The following PACRGL variants were observed in gnomAD, a reference collection of about 807,000 sequenced individuals.
The protein encoded by PACRGL is parkin coregulated like.
Under a neutral mutation model 34.5 loss-of-function variants are expected in PACRGL, and 38 were observed. That is an observed-to-expected ratio of 1.10 (90% CI 0.85 to 1.44). The LOEUF (loss-of-function observed/expected upper bound fraction) is 1.44. PACRGL is among the 40% of genes most tolerant of loss of function. The pLI is 0.00. For synonymous variants in PACRGL, 128 were observed against 100.1 expected (o/e 1.28, Z -1.66); for missense variants, 305 against 281.4 (o/e 1.08, Z -0.60).
At chr4:20,752,424 T>C (rs1753822522) in intron 8 of PACRGL, 1 of 152,226 alleles carries the variant, frequency 6.6e-6, no homozygotes, top group Non-Finnish European at 1.5e-5. Flanking sequence ...TAATCCTATA[T>C]ACTTATTAAA....
the PACRGL span, among the ~76,000 whole-genome samples, chr4:20,759,269 A>G: frequency 1.3e-5 from 2 of 152,300 alleles, no homozygotes; most frequent in South Asian, 2.1e-4. Flanking sequence ...TGTCCTTTCA[A>G]GGTTTTCTGA....
rs148610271 is a variant in PACRGL at position 20,746,876 on chromosome 4, A to G, written c.*57-5689A>G. Among the ~76,000 whole-genome samples, 239 of 152,262 alleles carry G rather than the reference A, an allele frequency of 1.6e-3. 1 individual carries two copies. Among genetic ancestry groups the G allele is most frequent in the African/African-American group, 5.5e-3 (227 of 41,568 alleles). ...TATCGTAGAATCAGATGGTCTCTCT[A>G]CTGTACCTCTCAGTATGCTATTGCT... On this transcript the variant is annotated intron_variant, in intron 8 of 8. Coordinates refer to the PACRGL transcript ENST00000507634.
intron 8 of PACRGL, among the ~76,000 whole-genome samples, chr4:20,738,926 C>T (rs1228475248): frequency 6.6e-6 from 1 of 152,228 alleles, no homozygotes; most frequent in African/African-American, 2.4e-5. Context: ...GCAAACGGCA[C>T]ACCAGGAGAT....
At chr4:20,718,303 G>A (rs150886246) in intron 7 of PACRGL, among the ~76,000 whole-genome samples, 11 of 152,044 alleles carry the variant, frequency 7.2e-5, no homozygotes, top group Admixed American at 6.6e-5. Flanking sequence ...TCCTCTTTTC[G>A]TAATTGAATA....
At chr4:20,699,240 T>A (rs1217870148), upstream of PACRGL, among the ~76,000 whole-genome samples, 1 of 152,086 alleles carries the variant, frequency 6.6e-6, no homozygotes, top group South Asian at 2.1e-4. Flanking sequence ...TTTTTAAAAA[T>A]TTCTTTTTCC....
At chr4:20,714,327 C>CT (rs889495988) in intron 7 of PACRGL, among the ~76,000 whole-genome samples, 9 of 151,956 alleles carry the variant, frequency 5.9e-5, no homozygotes, top group Admixed American at 2.0e-4. Context: ...CAACCCCTGC[C>CT]TTTTTTTGTT....
chr4:20,761,013 C>T, the PACRGL span, among the ~76,000 whole-genome samples: 6 of 152,118 alleles, frequency 3.9e-5, no homozygotes, highest in African/African-American at 1.4e-4. Context: ...ACTTTCAATA[C>T]ATTTAAGCTG....
chr4:20,749,734 T>A, intron 8 of PACRGL: 1 of 1,599,578 alleles, frequency 6.3e-7, no homozygotes, highest in Non-Finnish European at 8.6e-7. Context: ...TTGTAGAGTC[T>A]GAAATGGTAA....
chr4:20,704,878 A>G lies in PACRGL; in HGVS notation c.207+64A>G, dbSNP rs755089631. 6.5e-6 allele frequency: 10 copies of G among 1,526,972 alleles called. No individual in the cohort carries two copies. In the African/African-American group the frequency reaches 6.9e-5, roughly 10 times the overall value. The allele number at this position is 1,526,972 out of a possible 1,614,324, so 94.6% of individuals were successfully genotyped here. ...AAGGCATTTCGCACAGTATTGAACA[A>G]TGCTGGATGCTGTGTTGAGTTTTGT... is the stretch of plus-strand genomic sequence containing the variant. On this transcript the variant is annotated intron_variant, in intron 3 of 8. Transcript: ENST00000503585.
the PACRGL span, among the ~76,000 whole-genome samples, chr4:20,764,858 G>GTTTTT: frequency 6.6e-6 from 1 of 152,170 alleles, no homozygotes; most frequent in African/African-American, 2.4e-5. Flanking sequence ...CGCTGTGATG[G>GTTTTT]CACTCAGCCG....
the PACRGL span, among the ~76,000 whole-genome samples, chr4:20,762,098 A>T: frequency 6.6e-6 from 1 of 152,202 alleles, no homozygotes; most frequent in African/African-American, 2.4e-5. Flanking sequence ...TTTATTTCTC[A>T]TAGTACTGGA....
chr4:20,699,857 T>C (rs1387116125), upstream of PACRGL, among the ~76,000 whole-genome samples: 2 of 152,178 alleles, frequency 1.3e-5, no homozygotes, highest in Non-Finnish European at 2.9e-5. Context: ...ATATTTTTAC[T>C]ATTAAAAATA....
chr4:20,758,655 G>T, the PACRGL span, among the ~76,000 whole-genome samples: 1 of 152,100 alleles, frequency 6.6e-6, no homozygotes, highest in African/African-American at 2.4e-5. Flanking sequence ...TTTCTAAGTC[G>T]CTGGCTTTTA....
rs58573945 is a variant in PACRGL, at chr4:20,718,361, C to T, written c.609+4822C>T. Among the ~76,000 whole-genome samples, 750 of 152,256 alleles carry T rather than the reference C, an allele frequency of 4.9e-3. 6 individuals are homozygous for T. The highest frequency in any genetic ancestry group is 0.017 in the African/African-American group (695 of 41,550). On this transcript the variant is annotated intron_variant, in intron 7 of 8. Transcript: ENST00000503585. ...TGATTGCCCTGGCCAGAACTTCCAA[C>T]ACTATGTTGAATAGGAGTGGTGAGA...
rs893275692 is a variant in PACRGL, at chr4:20,704,492, CAG to C, written c.14_15del (p.Glu5GlyfsTer14). The C allele has an allele frequency of 1.2e-6, 2 of 1,613,556 alleles. No individual in the cohort carries two copies. Among genetic ancestry groups the C allele is most frequent in the African/African-American group, 2.7e-5 (2 of 74,772 alleles). On this transcript the variant is annotated frameshift_variant, in exon 2 of 9. Coordinates refer to ENST00000503585, the MANE Select transcript of PACRGL (RefSeq NM_001258345.3). LOFTEE classifies it high-confidence loss of function. ...AGTGAAAGGGAAGCAATGCAGAAAT[CAG>C]AGGGCTCTGGAGGTACACAGTTGAA...
At chr4:20,752,736 T>C (rs1753867140) in exon 9 of PACRGL, 1 of 152,232 alleles carries the variant, frequency 6.6e-6, no homozygotes, top group Non-Finnish European at 1.5e-5. Context: ...GTGAAGCCAC[T>C]GGCTTTGACT....
Position 20,702,084 on chromosome 4 carries a change from T to A in PACRGL, c.-17+1297T>A. ...CTACCATGTTTAAAACTTTTTCAAA[T>A]GAGTTTTGGTGACTTTTTGAACTCA... On this transcript the variant is annotated intron_variant, in intron 1 of 8. Coordinates refer to ENST00000503585, the MANE Select transcript of PACRGL (RefSeq NM_001258345.3). 3 of 446,260 alleles carry A rather than the reference T, an allele frequency of 6.7e-6. 1 individual carries two copies. The highest frequency in any genetic ancestry group is 4.8e-5 in the South Asian group (3 of 62,880). The allele number at this position is 446,260 out of a possible 1,614,324, so 27.6% of individuals were successfully genotyped here. A position where few individuals can be genotyped will look rare whatever the true frequency, so the allele number is the denominator to read the frequency against.
intron 1 of PACRGL, among the ~76,000 whole-genome samples, chr4:20,701,083 C>A (rs1436049325): frequency 6.6e-6 from 1 of 152,152 alleles, no homozygotes; most frequent in Non-Finnish European, 1.5e-5. Flanking sequence ...ACAAATGGAA[C>A]ATGGTTTCTT....
At chr4:20,746,066 A>G (rs1361790535) in intron 8 of PACRGL, among the ~76,000 whole-genome samples, 1 of 152,198 alleles carries the variant, frequency 6.6e-6, no homozygotes, top group African/African-American at 2.4e-5. Flanking sequence ...TACTATAAAG[A>G]CACATACACA....
Sources: allele counts gnomAD v4.1 joint callset (sites outside exome capture counted in the v4.1 genomes callset), GRCh38; gene constraint gnomAD v4.1.1; transcripts MANE v1.5; gene names NCBI Gene and HGNC (gene_info 2026-07-23, HGNC 2026-07-21).